Variants in MAPK8IP1 observed in about 807,000 individuals in gnomAD.
MAPK8IP1 encodes mitogen-activated protein kinase 8 interacting protein 1, also known as C-Jun-amino-terminal kinase-interacting protein 1.
Under a neutral mutation model 72.6 loss-of-function variants are expected in MAPK8IP1, and 17 were observed. That is an observed-to-expected ratio of 0.23 (90% CI 0.16 to 0.35). The LOEUF is 0.35. Among genes scored for constraint, MAPK8IP1 ranks in the 10% least tolerant of loss-of-function variants. MAPK8IP1 has a pLI of 1.00. For missense variants in MAPK8IP1, 789 were observed against 1,009.7 expected (o/e 0.78, Z 2.96); for synonymous variants, 401 against 443.4 (o/e 0.90, Z 1.20).
chr11:45,902,018 T>A lies in MAPK8IP1; in HGVS notation c.561T>A (p.Ser187Arg). The change falls in exon 4 of 12, where the codon AGT (serine) becomes AGA (arginine). Residue 187 changes from serine to arginine, a missense_variant. Ser to Arg is a moderately radical substitution (Grantham distance 110). Transcript: ENST00000241014. The surrounding 1 kb of genome is among the most constrained non-coding windows in gnomAD (Gnocchi z 9.3). ...ATAATTCTCTGGGCAAAAAGCACAG[T>A]TGGCAGGATCGGGTGTCTCGATCAT... is the stretch of plus-strand genomic sequence containing the variant. The part of the protein sequence containing the change: ...LNNNSLGKKH[S>R]WQDRVSRSSS... 8.7e-6 allele frequency: 14 copies of A among 1,614,134 alleles called. No individual in the cohort carries two copies. Among genetic ancestry groups the A allele is most frequent in the Non-Finnish European group, 1.2e-5 (14 of 1,179,998 alleles).
chr11:45,904,784 G>C lies in MAPK8IP1; in HGVS notation c.1843G>C (p.Val615Leu), dbSNP rs760747348. The C allele has an allele frequency of 1.4e-5, 22 of 1,614,054 alleles. No individual in the cohort carries two copies. The highest frequency in any genetic ancestry group is 1.9e-5 in the Non-Finnish European group (22 of 1,180,024). The stretch of plus-strand genomic sequence containing the variant: ...CTCCAGCTGTGTCCTGGAGATCAGC[G>C]TGCGGGGTGTGAAGATAGGCGTCAA... ...PPSSCVLEISVRGVKIGVKAD... is the reference protein window; with the variant it reads ...PPSSCVLEISLRGVKIGVKAD... Residue 615 changes from valine to leucine, a missense_variant, in exon 9 of 12, where the codon GTG (valine) becomes CTG (leucine). Around this residue, in one of 4 missense-constraint regions of MAPK8IP1, gnomAD observed 188 missense variants for 293.3 expected, o/e 0.64. Transcript: ENST00000241014. This position sits in a 1 kb window ranked among gnomAD's most constrained non-coding sequence, Gnocchi z 6.4.
In MAPK8IP1 at chr11:45,902,651, C is replaced by T; in HGVS notation, c.884C>T (p.Pro295Leu). Reference protein sequence around the residue: ...PVQRPPDAAEPTSAFLPPTES... With the variant: ...PVQRPPDAAELTSAFLPPTES... The stretch of plus-strand genomic sequence containing the variant: ...CAGAGGCCCCCAGACGCTGCAGAGC[C>T]CACCTCCGCCTTCCTGCCGCCCACT... Residue 295 changes from proline (P) to leucine (L), a missense_variant, in exon 5 of 12, where the codon CCC (proline) becomes CTC (leucine). Physicochemically the swap from Pro to Leu is moderately conservative, Grantham distance 98. This residue lies in a region of MAPK8IP1 where 377 missense variants were observed against 411.7 expected (regional missense o/e 0.92). Transcript: ENST00000241014. The surrounding 1 kb of genome is among the most constrained non-coding windows in gnomAD (Gnocchi z 9.3). The T allele has an allele frequency of 6.2e-7, 1 of 1,612,854 alleles. No homozygotes were observed. The highest frequency in any genetic ancestry group is 8.5e-7 in the Non-Finnish European group (1 of 1,179,924).
At chr11:45,905,304 C>T (rs1368959303) in intron 11 of MAPK8IP1, 55 bp downstream of exon 11, 5 of 1,496,748 alleles carry the variant, frequency 3.3e-6, no homozygotes, top group Non-Finnish European at 3.7e-6. Flanking sequence ...CAATCCCAGG[C>T]CCTGGGGCTG....
In MAPK8IP1 at chr11:45,902,453, G is replaced by T; in HGVS notation, c.686G>T (p.Arg229Leu). 2 of 1,599,082 alleles carry T rather than the reference G, an allele frequency of 1.3e-6. No homozygotes were observed. The highest frequency in any genetic ancestry group is 1.7e-6 in the Non-Finnish European group (2 of 1,173,900). Reference protein sequence around the residue: ...PQSGPAPTTDRGTSTDSPCRR... With the variant: ...PQSGPAPTTDLGTSTDSPCRR... ...AGCGGCCCCGCCCCCACCACAGATCGAGGCACCTCCACCGACAGCCCTTGC... is the reference window on the plus strand; with the variant it reads ...AGCGGCCCCGCCCCCACCACAGATCTAGGCACCTCCACCGACAGCCCTTGC... The change falls in exon 5 of 12, where the codon CGA becomes CTA. Residue 229 changes from arginine to leucine, a missense_variant. By Grantham distance (102) the Arg-to-Leu change is moderately radical. This residue lies in a region of MAPK8IP1 where 377 missense variants were observed against 411.7 expected (regional missense o/e 0.92). Transcript: ENST00000241014. This position sits in a 1 kb window ranked among gnomAD's most constrained non-coding sequence, Gnocchi z 9.3.
In MAPK8IP1 at chr11:45,898,118, G is replaced by C; in HGVS notation, c.135G>C (p.Glu45Asp). The C allele has an allele frequency of 6.2e-7, 1 of 1,613,778 alleles. No homozygotes were observed. The highest frequency in any genetic ancestry group is 8.5e-7 in the Non-Finnish European group (1 of 1,179,794). ...LTHDISLEEF[E>D]DEDLSEITDE... Reference sequence around the variant, plus strand: ...ATGACATCAGCCTGGAGGAGTTTGAGGATGAAGACCTCTCGGAGATCACTG... The same window carrying C: ...ATGACATCAGCCTGGAGGAGTTTGACGATGAAGACCTCTCGGAGATCACTG... The change falls in exon 2 of 12, where the codon GAG (glutamate) becomes GAC (aspartate). Residue 45 changes from glutamate to aspartate, a missense_variant. Around this residue, in one of 4 missense-constraint regions of MAPK8IP1, gnomAD observed 112 missense variants for 111.8 expected, o/e 1.00. Transcript: ENST00000241014.
chr11:45,899,749 C>G (rs754787178), intron 2 of MAPK8IP1, among the ~76,000 whole-genome samples: 1 of 152,338 alleles, frequency 6.6e-6, no homozygotes, highest in African/African-American at 2.4e-5. Flanking sequence ...ATACTATTTC[C>G]CCAACCCCCA....
intron 2 of MAPK8IP1, among the ~76,000 whole-genome samples, chr11:45,899,670 T>C (rs374357746): frequency 3.5e-4 from 54 of 152,218 alleles, no homozygotes; most frequent in African/African-American, 1.3e-3. Context: ...TTCCCATCCC[T>C]CTCAGGTCTC....
Position 45,902,189 on chromosome 11 carries a change from A to G in MAPK8IP1, c.604+128A>G. ...AACTGCCCACCCACATCCCTGCACG[A>G]GCCCATCCAGGGGCTGAGATCAGTG... On this transcript the variant is annotated intron_variant, in intron 4 of 11. Coordinates refer to ENST00000241014, the MANE Select transcript of MAPK8IP1 (RefSeq NM_005456.4). The surrounding 1 kb of genome is among the most constrained non-coding windows in gnomAD (Gnocchi z 9.3). 1 of 1,022,598 alleles carries G rather than the reference A, an allele frequency of 9.8e-7. No individual in the cohort carries two copies. Among genetic ancestry groups the G allele is most frequent in the Non-Finnish European group, 1.6e-6 (1 of 644,772 alleles). 63.3% of individuals were successfully genotyped at this position (1,022,598 alleles called of 1,614,324 possible).
At chr11:45,905,502 T>C (rs2086700521) in intron 11 of MAPK8IP1, 147 bp from the exon 12 acceptor site, 2 of 815,594 alleles carry the variant, frequency 2.5e-6, no homozygotes, top group East Asian at 2.4e-5. Flanking sequence ...ATGGCAATTC[T>C]GTAGAGAACA....
chr11:45,889,275 C>T (rs2086549227), intron 1 of MAPK8IP1, among the ~76,000 whole-genome samples: 1 of 152,138 alleles, frequency 6.6e-6, no homozygotes, highest in Non-Finnish European at 1.5e-5. Flanking sequence ...GTGGAATTTA[C>T]AGCCTGTGCT....
Position 45,902,151 on chromosome 11 carries a change from C to T in MAPK8IP1, c.604+90C>T. The T allele has an allele frequency of 8.0e-7, 1 of 1,252,472 alleles. No homozygotes were observed. The highest frequency in any genetic ancestry group is 1.2e-6 in the Non-Finnish European group (1 of 850,636). 77.6% of individuals were successfully genotyped at this position (1,252,472 alleles called of 1,614,324 possible). On this transcript the variant is annotated intron_variant, in intron 4 of 11. Coordinates refer to ENST00000241014, the MANE Select transcript of MAPK8IP1 (RefSeq NM_005456.4). This position sits in a 1 kb window ranked among gnomAD's most constrained non-coding sequence, Gnocchi z 9.3. ...AGCAAACCCTACAGTCTCCAAAGGG[C>T]TGAGTAGAGGTGAACTGCCCACCCA...
intron 1 of MAPK8IP1, among the ~76,000 whole-genome samples, chr11:45,892,601 G>A (rs949797967): frequency 6.6e-6 from 1 of 152,172 alleles, no homozygotes; most frequent in Admixed American, 6.5e-5. Context: ...GTCAGAGAAG[G>A]CTTGCAGAGG....
intron 1 of MAPK8IP1, among the ~76,000 whole-genome samples, chr11:45,895,336 G>C (rs1194631219): frequency 1.3e-5 from 2 of 152,138 alleles, no homozygotes; most frequent in African/African-American, 4.8e-5. Flanking sequence ...TGTGTGCAGG[G>C]GGGCTGGGCA....
At chr11:45,905,380 A>G (rs566824727) in intron 11 of MAPK8IP1, 131 bp downstream of exon 11, 1 of 920,694 alleles carries the variant, frequency 1.1e-6, no homozygotes, top group African/African-American at 1.6e-5. Flanking sequence ...TCCGGACCCC[A>G]GTGCGGGTGG....
rs759355661 is a variant in MAPK8IP1 at position 45,900,394 on chromosome 11, C to T, written c.464C>T (p.Thr155Met). 40 of 1,528,300 alleles carry T rather than the reference C, an allele frequency of 2.6e-5. No homozygotes were observed. In the East Asian group the frequency reaches 7.0e-4, roughly 27 times the overall value. The allele number at this position is 1,528,300 out of a possible 1,614,324, so 94.7% of individuals were successfully genotyped here. A position where few individuals can be genotyped will look rare whatever the true frequency, so the allele number is the denominator to read the frequency against. Residue 155 changes from threonine to methionine, a missense_variant, in exon 3 of 12, where the codon ACG (threonine) becomes ATG (methionine). Transcript: ENST00000241014. The surrounding 1 kb of genome is among the most constrained non-coding windows in gnomAD (Gnocchi z 6.5). ...AGCCAGGGCCCGGGCAGCGGGGACA[C>T]GTACCGGCCCAAGCGGCCCACCACG... ...GQSQGPGSGD[T>M]YRPKRPTTLN...
At chr11:45,887,069 A>T (rs989846188) in intron 1 of MAPK8IP1, among the ~76,000 whole-genome samples, 3 of 152,178 alleles carry the variant, frequency 2.0e-5, no homozygotes. Flanking sequence ...CCAGGGCTGC[A>T]GCTCTCTGAT....
Position 45,904,779 on chromosome 11 carries a change from T to C in MAPK8IP1, c.1838T>C (p.Ile613Thr). The change falls in exon 9 of 12, where the codon ATC becomes ACC. Residue 613 changes from isoleucine to threonine, a missense_variant. Physicochemically the swap from Ile to Thr is moderately conservative, Grantham distance 89. This residue lies in a region of MAPK8IP1 where 188 missense variants were observed against 293.3 expected (regional missense o/e 0.64). Coordinates refer to ENST00000241014, the MANE Select transcript of MAPK8IP1 (RefSeq NM_005456.4). The surrounding 1 kb of genome is among the most constrained non-coding windows in gnomAD (Gnocchi z 6.4). ...CCGCCCTCCAGCTGTGTCCTGGAGA[T>C]CAGCGTGCGGGGTGTGAAGATAGGC... ...FNPPSSCVLE[I>T]SVRGVKIGVK... 1 of 1,614,022 alleles carries C rather than the reference T, an allele frequency of 6.2e-7. No individual in the cohort carries two copies. The highest frequency in any genetic ancestry group is 2.2e-5 in the East Asian group (1 of 44,868).
At position 45,900,164 on chromosome 11, in the gene MAPK8IP1, G is replaced by C; in HGVS notation, c.234G>C (p.Ala78=). Residue 78 remains alanine, a synonymous_variant, in exon 3 of 12, where the codon GCG becomes GCC. Transcript: ENST00000241014. This position sits in a 1 kb window ranked among gnomAD's most constrained non-coding sequence, Gnocchi z 6.5. ...LRPPRAGLLS[A]GGGGAGSRLQ... Reference sequence around the variant, plus strand: ...CCCCGCGCGCCGGGCTGCTCTCTGCGGGCGGCGGCGGCGCGGGGAGCCGGT... The same window carrying C: ...CCCCGCGCGCCGGGCTGCTCTCTGCCGGCGGCGGCGGCGCGGGGAGCCGGT... 7.6e-7 allele frequency: 1 copy of C among 1,307,450 alleles called. No individual in the cohort carries two copies. The highest frequency in any genetic ancestry group is 9.7e-7 in the Non-Finnish European group (1 of 1,035,212). 81.0% of individuals were successfully genotyped at this position (1,307,450 alleles called of 1,614,324 possible). A position where few individuals can be genotyped will look rare whatever the true frequency, so the allele number is the denominator to read the frequency against.
At position 45,902,666 on chromosome 11, in the gene MAPK8IP1, T is replaced by G; in HGVS notation, c.899T>G (p.Leu300Arg). 6.2e-7 allele frequency: 1 copy of G among 1,612,290 alleles called. No homozygotes were observed. Among genetic ancestry groups the G allele is most frequent in the Non-Finnish European group, 8.5e-7 (1 of 1,179,926 alleles). Residue 300 changes from leucine (L) to arginine (R), a missense_variant, in exon 5 of 12, where the codon CTG becomes CGG. Physicochemically the swap from Leu to Arg is moderately radical, Grantham distance 102. Transcript: ENST00000241014. This position sits in a 1 kb window ranked among gnomAD's most constrained non-coding sequence, Gnocchi z 9.3. Reference sequence around the variant, plus strand: ...GCTGCAGAGCCCACCTCCGCCTTCCTGCCGCCCACTGAGAGCCGGATGTCA... The same window carrying G: ...GCTGCAGAGCCCACCTCCGCCTTCCGGCCGCCCACTGAGAGCCGGATGTCA... ...PDAAEPTSAFLPPTESRMSVS... is the reference protein window; with the variant it reads ...PDAAEPTSAFRPPTESRMSVS...
Sources: allele counts gnomAD v4.1 joint callset (sites outside exome capture counted in the v4.1 genomes callset), GRCh38; gene constraint gnomAD v4.1.1; regional missense constraint gnomAD v4.1.1; non-coding constraint Gnocchi (gnomAD v3.1); transcripts MANE v1.5; gene names NCBI Gene and HGNC (gene_info 2026-07-23, HGNC 2026-07-21).